Variants in PIEZO1 observed in about 807,000 individuals in gnomAD.
The protein encoded by PIEZO1 is piezo-type mechanosensitive ion channel component 1.
Under a neutral mutation model 297.2 loss-of-function variants are expected in PIEZO1, and 296 were observed. The observed-to-expected ratio is 1.00, with a 90% CI of 0.91 to 1.10. The LOEUF (loss-of-function observed/expected upper bound fraction) is 1.10, where lower values mean the gene tolerates loss of function less well. PIEZO1 is among the 50% of genes least tolerant of loss of function. PIEZO1 has a pLI of 0.00. For missense variants in PIEZO1, 5,018 were observed against 3,455.5 expected, an observed-to-expected ratio of 1.45 and a Z score of -11.34; for synonymous variants, 2,427 against 1,507.5, an observed-to-expected ratio of 1.61 and a Z score of -14.13.
In PIEZO1 at chr16:88,734,717, C is replaced by T. The variant is rs1314158150; in HGVS notation, c.1930G>A (p.Val644Ile). The T allele has an allele frequency of 3.2e-5, 49 of 1,550,164 alleles. No individual in the cohort carries two copies. In the Middle Eastern group the frequency reaches 5.0e-4, roughly 16 times the overall value. ...AAGTCCTGGAACTGGAAGGTGTAGA[C>T]GGCGATGAGGACCAGCATGGTGTAG... ...VAYTMLVLIA[V>I]YTFQFQDFPA... Residue 644 changes from valine to isoleucine, a missense_variant, in exon 15 of 51, where the codon GTC becomes ATC. Transcript: ENST00000301015.
rs1221139366 is a variant in PIEZO1, at chr16:88,757,319, CG to C, written c.65-7841del. Among the ~76,000 whole-genome samples, 55 of 10,240 alleles carry C rather than the reference CG, an allele frequency of 5.4e-3. 8 individuals are homozygous for C. The South Asian group carries it at 0.07, about 13-fold the overall frequency. The allele number at this position is 10,240 out of a possible 152,430, so 6.7% of individuals were successfully genotyped here. A position where few individuals can be genotyped will look rare whatever the true frequency, so the allele number is the denominator to read the frequency against. ...CTGGGTATGCAGGGGGCGTTGCTGG[CG>C]GGGGGGTGGGGGGTAGTTACCTAAC... On this transcript the variant is annotated intron_variant, in intron 1 of 50. Transcript: ENST00000301015.
Position 88,722,902 on chromosome 16 carries a change from G to T in PIEZO1, c.4603C>A (p.His1535Asn), listed in dbSNP as rs1420141995. The change falls in exon 34 of 51, where the codon CAC becomes AAC. Residue 1535 changes from histidine to asparagine, a missense_variant. Transcript: ENST00000301015. ...LTRWLQEFTR[H>N]HGTMSDVLRA... ...AGCACGTCGCTCATGGTGCCGTGGTGCCGGGTGAACTCCTGCAGCCAGCGT... is the reference window on the plus strand; with the variant it reads ...AGCACGTCGCTCATGGTGCCGTGGTTCCGGGTGAACTCCTGCAGCCAGCGT... 4 of 1,549,190 alleles carry T rather than the reference G, an allele frequency of 2.6e-6. No individual in the cohort carries two copies. The Admixed American group carries it at 7.8e-5, about 30-fold the overall frequency.
Position 88,733,622 on chromosome 16 carries a change from A to G in PIEZO1, c.2453T>C (p.Val818Ala). 2 of 1,549,400 alleles carry G rather than the reference A, an allele frequency of 1.3e-6. No individual in the cohort carries two copies. Among genetic ancestry groups the G allele is most frequent in the South Asian group, 2.4e-5 (2 of 83,976 alleles). Residue 818 changes from valine to alanine, a missense_variant, in exon 18 of 51, where the codon GTG becomes GCG. Physicochemically the swap from Val to Ala is moderately conservative, Grantham distance 64 (BLOSUM62 0). Transcript: ENST00000301015. The part of the protein sequence containing the change: ...RLLELHVFKL[V>A]ALYTVWVALK... ...GGCCACCCAGACGGTGTACAGGGCC[A>G]CCAGCTTGAAAACGTGAAGCTCCAG...
chr16:88,716,131 G>T lies in PIEZO1; in HGVS notation c.7130-12C>A. ...GTCGGCCTCCTCATCTGGGATGGAG[G>T]GAGAAGATCGTTGAGGCCGCAGGTC... On this transcript the variant is annotated splice_polypyrimidine_tract_variant and intron_variant, in intron 49 of 50. Coordinates refer to ENST00000301015, the MANE Select transcript of PIEZO1 (RefSeq NM_001142864.4). 1 of 1,537,340 alleles carries T rather than the reference G, an allele frequency of 6.5e-7. No individual in the cohort carries two copies. The highest frequency in any genetic ancestry group is 8.8e-7 in the Non-Finnish European group (1 of 1,137,826).
chr16:88,726,108 G>A (rs1190973062), intron 27 of PIEZO1, 176 bp downstream of exon 27: 16 of 612,374 alleles, frequency 2.6e-5, no homozygotes, highest in Middle Eastern at 4.4e-4. Context: ...CTGGGGCAGA[G>A]TGTGATGGTG....
In PIEZO1 at chr16:88,738,020, C is replaced by T. The variant is rs1905364324; in HGVS notation, c.934G>A (p.Val312Met). 6.5e-7 allele frequency: 1 copy of T among 1,535,524 alleles called. No individual in the cohort carries two copies. The highest frequency in any genetic ancestry group is 2.0e-5 in the Admixed American group (1 of 50,960). ...AGGAGGACGCCGGGGCTGGCATACA[C>T]AGGCCAGTCCAGGCCGGTGTTGAGG... is the stretch of plus-strand genomic sequence containing the variant. The part of the protein sequence containing the change: ...LVLNTGLDWP[V>M]YASPGVLLLL... The change falls in exon 8 of 51, where the codon GTG becomes ATG. Residue 312 changes from valine to methionine, a missense_variant. Coordinates refer to ENST00000301015, the MANE Select transcript of PIEZO1 (RefSeq NM_001142864.4).
chr16:88,770,944 G>C (rs543653918), intron 1 of PIEZO1, among the ~76,000 whole-genome samples: 7 of 152,226 alleles, frequency 4.6e-5, no homozygotes, highest in Non-Finnish European at 8.8e-5. Context: ...ACTCCCTGCC[G>C]TCACATGCCC....
In PIEZO1 at chr16:88,715,853, T is replaced by C. The variant is rs1911974815; in HGVS notation, c.7318A>G (p.Ile2440Val). 1.9e-6 allele frequency: 3 copies of C among 1,549,514 alleles called. No homozygotes were observed. The highest frequency in any genetic ancestry group is 4.9e-5 in the East Asian group (2 of 40,918). ...ACGATGGACACGTACAGCCCCATGA[T>C]GCTGCGGGGGAAGCTGGTGAGTCCT... The part of the protein sequence containing the change: ...PSLGFLAGYG[I>V]MGLYVSIVLV... Residue 2440 changes from isoleucine (I) to valine (V), a missense_variant and splice_region_variant, in exon 51 of 51, where the codon ATC becomes GTC. Physicochemically the swap from Ile to Val is conservative, Grantham distance 29. Transcript: ENST00000301015.
chr16:88,725,013 G>T lies in PIEZO1; in HGVS notation c.4230C>A (p.Ala1410=). ...RQWWRPWLDH[A]TVIHSGDYFL... ...AGGCGGCCTAATTGGGGGTACCTGTGGCGTGGTCCAGCCAGGGCCGCCACC... is the reference window on the plus strand; with the variant it reads ...AGGCGGCCTAATTGGGGGTACCTGTTGCGTGGTCCAGCCAGGGCCGCCACC... Residue 1410 remains alanine (A), a synonymous_variant, in exon 30 of 51, where the codon GCC becomes GCA. Transcript: ENST00000301015. 6.7e-7 allele frequency: 1 copy of T among 1,486,616 alleles called. No individual in the cohort carries two copies. The highest frequency in any genetic ancestry group is 1.3e-5 in the South Asian group (1 of 75,388). 92.1% of individuals were successfully genotyped at this position (1,486,616 alleles called of 1,614,324 possible).
Position 88,736,743 on chromosome 16 carries a change from C to A in PIEZO1, c.1196-4G>T. The A allele has an allele frequency of 1.3e-6, 2 of 1,511,396 alleles. No homozygotes were observed. The highest frequency in any genetic ancestry group is 1.2e-5 in the South Asian group (1 of 82,638). 93.6% of individuals were successfully genotyped at this position (1,511,396 alleles called of 1,614,324 possible). ...GGCTCAGCCCGCTTGGGCCGCACTG[C>A]AGGTGGGGACAGCGGTCAGCTTCGG... On this transcript the variant is annotated splice_region_variant and splice_polypyrimidine_tract_variant and intron_variant, in intron 10 of 50. Transcript: ENST00000301015.
chr16:88,726,394 G>A lies in PIEZO1; in HGVS notation c.3858C>T (p.Ile1286=), dbSNP rs1481107512. Residue 1286 remains isoleucine, a synonymous_variant, in exon 27 of 51, where the codon ATC becomes ATT. Transcript: ENST00000301015. ...CLLPVEEAGI[I]WDSVCFFFLL... ...GGAAGAAGAAGCAGACGCTGTCCCAGATGATGCCAGCCTCCTCCACAGGCA... is the reference window on the plus strand; with the variant it reads ...GGAAGAAGAAGCAGACGCTGTCCCAAATGATGCCAGCCTCCTCCACAGGCA... 1.9e-6 allele frequency: 3 copies of A among 1,550,502 alleles called. No homozygotes were observed. The highest frequency in any genetic ancestry group is 2.0e-5 in the Admixed American group (1 of 51,006).
At chr16:88,726,979 G>C (rs111456162) in intron 24 of PIEZO1, 21 bp from the exon 25 acceptor site, 1 of 1,549,498 alleles carries the variant, frequency 6.5e-7, no homozygotes, top group Non-Finnish European at 8.7e-7. Flanking sequence ...GGAGCGTCAG[G>C]GCGGGCGCCC....
rs777763377 is a variant in PIEZO1, at chr16:88,734,022, C to T, written c.2213G>A (p.Arg738Gln). Residue 738 changes from arginine (R) to glutamine (Q), a missense_variant, in exon 17 of 51, where the codon CGG becomes CAG. Arg to Gln is a conservative substitution (Grantham distance 43). Coordinates refer to ENST00000301015, the MANE Select transcript of PIEZO1 (RefSeq NM_001142864.4). ...CTGCTGATGCTCCTGCTGCTCCTCC[C>T]GCAGCAGTGGGGTCCCACTCACTGC... ...QDAVSGTPLL[R>Q]EEQQEHQQQQ... 21 of 1,544,570 alleles carry T rather than the reference C, an allele frequency of 1.4e-5. No individual in the cohort carries two copies. Among genetic ancestry groups the T allele is most frequent in the African/African-American group, 4.1e-5 (3 of 72,902 alleles).
intron 1 of PIEZO1, among the ~76,000 whole-genome samples, chr16:88,774,922 G>A (rs1907590059): frequency 6.6e-6 from 1 of 152,234 alleles, no homozygotes; most frequent in African/African-American, 2.4e-5. Flanking sequence ...AGAGGAACCA[G>A]TCAAAGGAAG....
intron 44 of PIEZO1, chr16:88,719,249 C>A (rs949275624): frequency 8.6e-5 from 27 of 313,768 alleles, no homozygotes; most frequent in Non-Finnish European, 1.4e-4. Flanking sequence ...GTCTGACGCA[C>A]GAATTCTCTC....
At chr16:88,745,704 G>A (rs1428282574) in intron 2 of PIEZO1, 5 of 142,486 alleles carry the variant, frequency 3.5e-5, no homozygotes, top group Non-Finnish European at 7.5e-5. Context: ...AGTTGAGATC[G>A]CGCCACTGCA....
chr16:88,729,632 T>C (rs1904668682), intron 22 of PIEZO1, among the ~76,000 whole-genome samples: 1 of 139,922 alleles, frequency 7.1e-6, no homozygotes, highest in Non-Finnish European at 1.5e-5. Flanking sequence ...ACAGCCCCCA[T>C]CTGCCACAGA....
chr16:88,772,442 G>A (rs1401677913), intron 1 of PIEZO1, among the ~76,000 whole-genome samples: 1 of 152,194 alleles, frequency 6.6e-6, no homozygotes, highest in Non-Finnish European at 1.5e-5. Flanking sequence ...GCAGGCCCCA[G>A]CCCACAGGCA....
Position 88,726,778 on chromosome 16 carries a change from G to C in PIEZO1, c.3636C>G (p.Leu1212=), listed in dbSNP as rs112343464. The C allele has an allele frequency of 6.5e-7, 1 of 1,550,208 alleles. No individual in the cohort carries two copies. Among genetic ancestry groups the C allele is most frequent in the Non-Finnish European group, 8.7e-7 (1 of 1,146,868 alleles). The change falls in exon 25 of 51, where the codon CTC becomes CTG. Residue 1212 remains leucine, a synonymous_variant. Transcript: ENST00000301015. ...ALLQRDTRAR[L]VLWDCLILYN... Reference sequence around the variant, plus strand: ...ACAGAATGAGGCAGTCCCACAGCACGAGGCGGGCCCGTGTGTCCCTCTGCA... The same window carrying C: ...ACAGAATGAGGCAGTCCCACAGCACCAGGCGGGCCCGTGTGTCCCTCTGCA...
Sources: gnomAD v4.1 joint callset for allele counts (sites outside exome capture counted in the v4.1 genomes callset) on GRCh38, gnomAD v4.1.1 for gene constraint, MANE v1.5 for transcripts, NCBI Gene and HGNC (gene_info 2026-07-23, HGNC 2026-07-21) for gene names.